Variants in MBTPS2 observed in about 807,000 individuals in gnomAD.
MBTPS2 encodes membrane-bound transcription factor site-2 protease.
In MBTPS2, 2 loss-of-function variants were observed where a neutral mutation model predicts 35.4. The observed-to-expected ratio is 0.06, with a 90% CI of 0.02 to 0.18. The LOEUF (loss-of-function observed/expected upper bound fraction) is 0.18. Ranked by LOEUF, MBTPS2 falls within the 10% of genes least tolerant of loss-of-function variation. The pLI is 1.00. For synonymous variants in MBTPS2, 125 were observed against 140.4 expected (o/e 0.89, Z 0.77); for missense variants, 244 against 386.5 (o/e 0.63, Z 3.09).
chrX:21,879,946 A>ATTCTTTTTTTTTTTTTTTTT (rs2092957241), intron 9 of MBTPS2, among the ~76,000 whole-genome samples: 1 of 40,539 alleles, frequency 2.5e-5, no homozygotes, highest in Non-Finnish European at 3.9e-5. Context: ...GTTTTATGTT[A>ATTCTTTTTTTTTTTTTTTTT]TTCTTTTTTT....
intron 5 of MBTPS2, chrX:21,857,039 G>A: frequency 1.7e-6 from 2 of 1,211,908 alleles, no homozygotes; most frequent in Non-Finnish European, 2.2e-6. Context: ...AGTTTTCCGT[G>A]ACTATGTGGT....
intron 5 of MBTPS2, chrX:21,857,426 A>G: frequency 1.7e-6 from 2 of 1,212,043 alleles, no homozygotes; most frequent in Non-Finnish European, 2.2e-6. Context: ...TTCAGTGCAC[A>G]TTCGAAGGCT....
chrX:21,862,933 C>CATATATATAT (rs542223686), intron 5 of MBTPS2, among the ~76,000 whole-genome samples: 832 of 27,570 alleles, frequency 0.03, 71 homozygotes, highest in Non-Finnish European at 0.058. Flanking sequence ...TATATATAAA[C>CATATATATAT]ATATATATAT....
intron 5 of MBTPS2, among the ~76,000 whole-genome samples, chrX:21,861,313 C>T (rs1353021482): frequency 9.0e-6 from 1 of 111,549 alleles, no homozygotes; most frequent in Non-Finnish European, 1.9e-5. Context: ...CCCAACATTT[C>T]CATTTCTAGG....
intron 2 of MBTPS2, among the ~76,000 whole-genome samples, chrX:21,843,616 C>G (rs1489806161): frequency 9.0e-6 from 1 of 111,128 alleles, no homozygotes; most frequent in Non-Finnish European, 1.9e-5. Flanking sequence ...GTGGCATGGT[C>G]TAGATTTCTT....
chrX:21,862,931 A>ATATAT (rs1569325758), intron 5 of MBTPS2, among the ~76,000 whole-genome samples: 12 of 13,805 alleles, frequency 8.7e-4, no homozygotes, highest in South Asian at 6.3e-3. Context: ...TATATATATA[A>ATATAT]ACATATATAT....
rs1486619088 is a variant in MBTPS2 at position 21,882,615 on chromosome X, C to T, written c.1520C>T (p.Ala507Val). ...ILLGGSVLLA[A>V]NVTLGLWMVT... ...CTGGGTGGCAGTGTACTTTTGGCTGCCAATGTGACCCTGGGACTCTGGATG... is the reference window on the plus strand; with the variant it reads ...CTGGGTGGCAGTGTACTTTTGGCTGTCAATGTGACCCTGGGACTCTGGATG... Residue 507 changes from alanine (A) to valine (V), a missense_variant, in exon 11 of 11, where the codon GCC (alanine) becomes GTC (valine). By Grantham distance (64) the Ala-to-Val change is moderately conservative. Coordinates refer to ENST00000379484, the MANE Select transcript of MBTPS2 (RefSeq NM_015884.4). The T allele has an allele frequency of 6.6e-6, 8 of 1,211,461 alleles. No individual in the cohort carries two copies. The highest frequency in any genetic ancestry group is 8.9e-6 in the Non-Finnish European group (8 of 895,302).
intron 5 of MBTPS2, among the ~76,000 whole-genome samples, chrX:21,862,901 C>A (rs5951647): frequency 2.9e-5 from 2 of 69,566 alleles, no homozygotes; most frequent in African/African-American, 1.0e-4. Flanking sequence ...TATATATAAA[C>A]ATATATAAAT....
At chrX:21,864,526 G>A (rs751200326) in intron 5 of MBTPS2, among the ~76,000 whole-genome samples, 1 of 112,030 alleles carries the variant, frequency 8.9e-6, no homozygotes, top group South Asian at 3.7e-4. Context: ...TACTTTTAAA[G>A]AGTTGCATAT....
chrX:21,856,316 C>G, intron 5 of MBTPS2: 1 of 455,827 alleles, frequency 2.2e-6, no homozygotes, highest in Non-Finnish European at 3.8e-6. Flanking sequence ...TTCTCTGCAG[C>G]TCGCGCCTTT....
chrX:21,869,473 G>C, intron 6 of MBTPS2, 25 bp from the exon 7 acceptor site: 3 of 1,168,423 alleles, frequency 2.6e-6, no homozygotes, highest in Non-Finnish European at 3.5e-6. Flanking sequence ...TGCATTATCT[G>C]ATTTGGTTTT....
Position 21,853,467 on chromosome X carries a change from A to C in MBTPS2, c.634A>C (p.Ile212Leu). ...TCTGTTCACCACTCATTTGCAACTT[A>C]TATCGCCAGTCCAGCAGCTAAGGAT... ...VDLFTTHLQLISPVQQLRIFC... is the reference protein window; with the variant it reads ...VDLFTTHLQLLSPVQQLRIFC... The change falls in exon 5 of 11, where the codon ATA becomes CTA. Residue 212 changes from isoleucine (I) to leucine (L), a missense_variant. Ile to Leu is a conservative substitution (Grantham distance 5). Transcript: ENST00000379484. 2 of 1,208,803 alleles carry C rather than the reference A, an allele frequency of 1.7e-6. No individual in the cohort carries two copies. The highest frequency in any genetic ancestry group is 3.5e-5 in the South Asian group (2 of 56,939).
rs200298161 is a variant in MBTPS2, at chrX:21,878,668, C to T, written c.1237C>T (p.His413Tyr). The T allele has an allele frequency of 7.2e-4, 864 of 1,199,917 alleles. 1 individual carries two copies. Among genetic ancestry groups the T allele is most frequent in the Non-Finnish European group, 8.9e-4 (787 of 886,468 alleles). The change falls in exon 9 of 11, where the codon CAT becomes TAT. Residue 413 changes from histidine to tyrosine, a missense_variant. His to Tyr is a moderately conservative substitution (Grantham distance 83). Transcript: ENST00000379484. ...TCAGATTGATATGTTATACGTAGGA[C>T]ATCCTCTGCATCTTCACTACACAGG... ...PPQIDMLYVG[H>Y]PLHLHYTVSI...
chrX:21,853,275 A>C, intron 4 of MBTPS2, 101 bp from the exon 5 acceptor site: 1 of 627,902 alleles, frequency 1.6e-6, no homozygotes. Flanking sequence ...TTTTTTAAGC[A>C]AGAATTCAAA....
chrX:21,856,919 C>G, intron 5 of MBTPS2: 2 of 1,211,942 alleles, frequency 1.7e-6, no homozygotes. Flanking sequence ...GCAAAAAGCC[C>G]AGCGGCAAGA....
chrX:21,880,356 G>A (rs1339954963), intron 9 of MBTPS2, among the ~76,000 whole-genome samples: 1 of 111,429 alleles, frequency 9.0e-6, no homozygotes, highest in African/African-American at 3.3e-5. Context: ...AATTACTGTA[G>A]ACTGTAACTA....
chrX:21,850,008 CAG>C (rs1216918929), intron 3 of MBTPS2, among the ~76,000 whole-genome samples: 1 of 85,278 alleles, frequency 1.2e-5, no homozygotes, highest in Non-Finnish European at 2.1e-5. Flanking sequence ...GCCTGGGCGA[CAG>C]AGCGAGACTC....
chrX:21,850,224 G>A (rs777866585), intron 3 of MBTPS2, among the ~76,000 whole-genome samples: 37 of 111,195 alleles, frequency 3.3e-4, no homozygotes, highest in African/African-American at 1.2e-3. Context: ...AGAACACAGT[G>A]TAGCTATTAA....
intron 2 of MBTPS2, 35 bp from the exon 3 acceptor site, chrX:21,845,136 T>C (rs2092907138): frequency 1.7e-6 from 2 of 1,210,496 alleles, no homozygotes; most frequent in African/African-American, 1.7e-5. Context: ...TTGAGAGAAA[T>C]TGTAAATTAA....
Sources: allele counts gnomAD v4.1 joint callset (sites outside exome capture counted in the v4.1 genomes callset), GRCh38; gene constraint gnomAD v4.1.1; transcripts MANE v1.5; gene names NCBI Gene and HGNC (gene_info 2026-07-23, HGNC 2026-07-21).